Variants in RAP2C observed in about 807,000 individuals in gnomAD.
The protein encoded by RAP2C is ras-related protein Rap-2c.
RAP2C carries 3 observed loss-of-function variants against 8.9 expected under a neutral mutation model. The ratio of observed to expected loss-of-function variants is 0.34; its 90% CI spans 0.15 to 0.87. The LOEUF (loss-of-function observed/expected upper bound fraction) is 0.87, where lower values mean the gene tolerates loss of function less well. Among genes scored for constraint, RAP2C ranks in the 40% least tolerant of loss-of-function variants. The probability of loss-of-function intolerance (pLI) is 0.51; values close to 1 mark genes in which losing one functional copy is unlikely to be tolerated. For missense variants in RAP2C, 76 were observed against 133.7 expected, an observed-to-expected ratio of 0.57 and a Z score of 2.13; for synonymous variants, 60 against 52.1, an observed-to-expected ratio of 1.15 and a Z score of -0.65.
rs1930194600 is a variant in RAP2C at position 132,203,803 on chromosome X, A to G, written c.*1819T>C. ...TTCATAAATAAGGAACAATGTTTCA[A>G]TTGCCTCTATCTTTACAATCTCACC... On this transcript the variant is annotated 3_prime_UTR_variant, in exon 6 of 6. Coordinates refer to ENST00000370874, the MANE Select transcript of RAP2C (RefSeq NM_001271186.2). 8.9e-6 allele frequency: 1 copy of G among 112,183 alleles called. No homozygotes were observed. Among genetic ancestry groups the G allele is most frequent in the Non-Finnish European group, 1.9e-5 (1 of 53,093 alleles). 9.2% of individuals were successfully genotyped at this position (112,183 alleles called of 1,213,427 possible). A position where few individuals can be genotyped will look rare whatever the true frequency, so the allele number is the denominator to read the frequency against.
At position 132,218,361 on chromosome X, in the gene RAP2C, C is replaced by G. The variant is rs1198766051; in HGVS notation, c.-745-20G>C. On this transcript the variant is annotated intron_variant, in intron 1 of 5. Transcript: ENST00000370874. Reference sequence around the variant, plus strand: ...GGAAACCTGCGACGTCAGTCCTTACCCGCCCGCGGCTGCCGCGGACCGTCC... The same window carrying G: ...GGAAACCTGCGACGTCAGTCCTTACGCGCCCGCGGCTGCCGCGGACCGTCC... The G allele has an allele frequency of 2.8e-5, 3 of 108,233 alleles. No homozygotes were observed. The highest frequency in any genetic ancestry group is 1.0e-4 in the African/African-American group (3 of 29,682). The allele number at this position is 108,233 out of a possible 1,213,427, so 8.9% of individuals were successfully genotyped here.
chrX:132,213,387 T>C (rs1243151131), intron 5 of RAP2C, among the ~76,000 whole-genome samples: 1 of 111,907 alleles, frequency 8.9e-6, no homozygotes, highest in African/African-American at 3.3e-5. Flanking sequence ...AAAAACTCAT[T>C]CATTAAAAAA....
At chrX:132,206,495 T>G (rs1306298441) in intron 5 of RAP2C, among the ~76,000 whole-genome samples, 1 of 112,185 alleles carries the variant, frequency 8.9e-6, no homozygotes. Context: ...CCAAATAGCT[T>G]CTAGGGGAAT....
At position 132,204,662 on chromosome X, in the gene RAP2C, T is replaced by G. The variant is rs1812389104; in HGVS notation, c.*960A>C. ...ATTAAGAACTAGAAAGTGTGTATGA[T>G]TTTATTTGAATTCAATTTTACATGT... On this transcript the variant is annotated 3_prime_UTR_variant, in exon 6 of 6. Transcript: ENST00000370874. 1 of 111,648 alleles carries G rather than the reference T, an allele frequency of 9.0e-6. No homozygotes were observed. The highest frequency in any genetic ancestry group is 1.9e-5 in the Non-Finnish European group (1 of 52,983). 9.2% of individuals were successfully genotyped at this position (111,648 alleles called of 1,213,427 possible). A position where few individuals can be genotyped will look rare whatever the true frequency, so the allele number is the denominator to read the frequency against.
rs1930209525 is a variant in RAP2C at position 132,204,359 on chromosome X, T to C, written c.*1263A>G. On this transcript the variant is annotated 3_prime_UTR_variant, in exon 6 of 6. Transcript: ENST00000370874. Reference sequence around the variant, plus strand: ...GAACCAAAATATTACTCTGCATAAGTTTCCTTTCTGATTCTACACCTGCGT... The same window carrying C: ...GAACCAAAATATTACTCTGCATAAGCTTCCTTTCTGATTCTACACCTGCGT... The C allele has an allele frequency of 1.8e-5, 2 of 112,563 alleles. No homozygotes were observed. Among genetic ancestry groups the C allele is most frequent in the Admixed American group, 1.9e-4 (2 of 10,561 alleles). 9.3% of individuals were successfully genotyped at this position (112,563 alleles called of 1,213,427 possible).
At position 132,217,308 on chromosome X, in the gene RAP2C, GAT is replaced by G; in HGVS notation, c.-42_-41del. ...CCAACTCCTACCAGAGGGGGGGAAA[GAT>G]CACCCCGCTAGCTGTGGCGCGGCTA... On this transcript the variant is annotated 5_prime_UTR_variant, in exon 4 of 6. Coordinates refer to ENST00000370874, the MANE Select transcript of RAP2C (RefSeq NM_001271186.2). 9.5e-7 allele frequency: 1 copy of G among 1,048,728 alleles called. No homozygotes were observed. Among genetic ancestry groups the G allele is most frequent in the Non-Finnish European group, 1.2e-6 (1 of 804,279 alleles). The allele number at this position is 1,048,728 out of a possible 1,213,427, so 86.4% of individuals were successfully genotyped here.
In RAP2C at chrX:132,203,958, C is replaced by T. The variant is rs758306053; in HGVS notation, c.*1664G>A. On this transcript the variant is annotated 3_prime_UTR_variant, in exon 6 of 6. Transcript: ENST00000370874. Reference sequence around the variant, plus strand: ...ACTCAGTAATTAATGGTCATGCTGACCCATAAATCACATGAATGTAGATAC... The same window carrying T: ...ACTCAGTAATTAATGGTCATGCTGATCCATAAATCACATGAATGTAGATAC... The T allele has an allele frequency of 2.7e-5, 3 of 112,355 alleles. No homozygotes were observed. Among genetic ancestry groups the T allele is most frequent in the African/African-American group, 9.7e-5 (3 of 30,913 alleles). The allele number at this position is 112,355 out of a possible 1,213,427, so 9.3% of individuals were successfully genotyped here.
chrX:132,209,916 G>A (rs1270054409), intron 5 of RAP2C, among the ~76,000 whole-genome samples: 1 of 111,247 alleles, frequency 9.0e-6, no homozygotes, highest in Admixed American at 9.6e-5. Flanking sequence ...GGGAGAATTA[G>A]GAGTAGTAGA....
rs771844677 is a variant in RAP2C at position 132,208,937 on chromosome X, G to C, written c.*35-3350C>G. Among the ~76,000 whole-genome samples the C allele has an allele frequency of 7.1e-5, 8 of 112,130 alleles. No individual in the cohort carries two copies. In the East Asian group the frequency reaches 1.7e-3, roughly 23 times the overall value. On this transcript the variant is annotated intron_variant, in intron 5 of 5. Coordinates refer to ENST00000370874, the MANE Select transcript of RAP2C (RefSeq NM_001271186.2). ...CCACCTCGGCTTCCCAAAGTGCTGG[G>C]ATGACAGGTATGAGCCACTGCATCT...
At chrX:132,210,601 T>G (rs929223791) in intron 5 of RAP2C, among the ~76,000 whole-genome samples, 24 of 111,810 alleles carry the variant, frequency 2.1e-4, no homozygotes, top group African/African-American at 7.5e-4. Flanking sequence ...TTCCCTGTGT[T>G]TGGTACTCTT....
intron 4 of RAP2C, among the ~76,000 whole-genome samples, chrX:132,216,471 T>C (rs1388711419): frequency 1.9e-5 from 2 of 107,187 alleles, no homozygotes; most frequent in Non-Finnish European, 3.8e-5. Context: ...GAGTTCTTCG[T>C]CTTGCAACAC....
chrX:132,208,198 A>G (rs1025462642), intron 5 of RAP2C, among the ~76,000 whole-genome samples: 3 of 111,610 alleles, frequency 2.7e-5, no homozygotes, highest in African/African-American at 9.8e-5. Context: ...ACATCATTTC[A>G]CATGGCAGCA....
At position 132,219,395 on chromosome X, in the gene RAP2C, A is replaced by G. The variant is rs762830519; in HGVS notation, c.-771T>C. The G allele has an allele frequency of 6.9e-4, 77 of 111,966 alleles. No homozygotes were observed. The highest frequency in any genetic ancestry group is 3.4e-3 in the Admixed American group (36 of 10,610). 9.2% of individuals were successfully genotyped at this position (111,966 alleles called of 1,213,427 possible). ...AGTCTTCAAAGGAGAGTTTAGTTCA[A>G]TTTCTCCTTGACCTCAGGCCGGTGC... On this transcript the variant is annotated 5_prime_UTR_variant, in exon 1 of 6. Coordinates refer to ENST00000370874, the MANE Select transcript of RAP2C (RefSeq NM_001271186.2).
Position 132,203,099 on chromosome X carries a change from A to C in RAP2C, c.*2523T>G, listed in dbSNP as rs754728471. 28 of 112,364 alleles carry C rather than the reference A, an allele frequency of 2.5e-4. No individual in the cohort carries two copies. The highest frequency in any genetic ancestry group is 9.0e-4 in the African/African-American group (28 of 30,943). 9.3% of individuals were successfully genotyped at this position (112,364 alleles called of 1,213,427 possible). Reference sequence around the variant, plus strand: ...TGCAGGGTCGTCTTACAAAATGACAAGAATGAAATCTATTGGAAAAATTTT... The same window carrying C: ...TGCAGGGTCGTCTTACAAAATGACACGAATGAAATCTATTGGAAAAATTTT... On this transcript the variant is annotated 3_prime_UTR_variant, in exon 6 of 6. Coordinates refer to ENST00000370874, the MANE Select transcript of RAP2C (RefSeq NM_001271186.2).
Position 132,217,565 on chromosome X carries a change from G to A in RAP2C, c.-297C>T, listed in dbSNP as rs1242950350. ...AAAGCCCGGCGAGGGTGGCGAGGAG[G>A]CGCGTGCCCCCGGGAGGGAAAGGGT... On this transcript the variant is annotated 5_prime_UTR_variant, in exon 4 of 6. Coordinates refer to ENST00000370874, the MANE Select transcript of RAP2C (RefSeq NM_001271186.2). 8.7e-6 allele frequency: 2 copies of A among 228,895 alleles called. No individual in the cohort carries two copies. The highest frequency in any genetic ancestry group is 1.2e-3 in the Middle Eastern group (1 of 804). The allele number at this position is 228,895 out of a possible 1,213,427, so 18.9% of individuals were successfully genotyped here.
rs1342574787 is a variant in RAP2C, at chrX:132,217,707, C to T, written c.-439G>A. ...CAAAGGGGCCCAGGGACCCCGCTTCCTGCTCGCGCAGCCCAGCCGGCTCAG... is the reference window on the plus strand; with the variant it reads ...CAAAGGGGCCCAGGGACCCCGCTTCTTGCTCGCGCAGCCCAGCCGGCTCAG... On this transcript the variant is annotated 5_prime_UTR_variant, in exon 4 of 6. Transcript: ENST00000370874. 8.5e-6 allele frequency: 1 copy of T among 117,950 alleles called. No homozygotes were observed. Among genetic ancestry groups the T allele is most frequent in the Non-Finnish European group, 1.8e-5 (1 of 56,728 alleles). The allele number at this position is 117,950 out of a possible 1,213,427, so 9.7% of individuals were successfully genotyped here.
At chrX:132,218,558 G>A (rs891419213) in intron 1 of RAP2C, 4 of 111,815 alleles carry the variant, frequency 3.6e-5, no homozygotes, top group African/African-American at 9.8e-5. Flanking sequence ...AGCCCAGAAA[G>A]TTTATTCTCC....
At position 132,217,224 on chromosome X, in the gene RAP2C, G is replaced by A. The variant is rs748016201; in HGVS notation, c.45C>T (p.Gly15=). Reference sequence around the variant, plus strand: ...CAAACTGCACAGTAAGGGCAGATTTGCCAACCCCTCCACTCCCTAACACCA... The same window carrying A: ...CAAACTGCACAGTAAGGGCAGATTTACCAACCCCTCCACTCCCTAACACCA... ...KVVVLGSGGV[G]KSALTVQFVT... Residue 15 remains glycine (G), a synonymous_variant, in exon 4 of 6, where the codon GGC becomes GGT. Transcript: ENST00000370874. The A allele has an allele frequency of 3.4e-6, 4 of 1,159,925 alleles. No individual in the cohort carries two copies. The highest frequency in any genetic ancestry group is 4.6e-6 in the Non-Finnish European group (4 of 867,920).
Sources: gnomAD v4.1 joint callset for allele counts (sites outside exome capture counted in the v4.1 genomes callset) on GRCh38, gnomAD v4.1.1 for gene constraint, MANE v1.5 for transcripts, NCBI Gene and HGNC (gene_info 2026-07-23, HGNC 2026-07-21) for gene names.